The following DCPH1 variants were observed in gnomAD, a reference collection of about 807,000 sequenced individuals.
The protein encoded by DCPH1 is damage-control phosphatase 1.
At chr6:151,458,387 G>A in the DCPH1 span, 90 of 1,613,414 alleles carry the variant, frequency 5.6e-5, no homozygotes, top group Middle Eastern at 1.6e-4. Flanking sequence ...GGAATGAATT[G>A]CAAACAGATA....
chr6:151,468,961 C>T, the DCPH1 span: 3,030 of 1,614,184 alleles, frequency 1.9e-3, 6 homozygotes, highest in Non-Finnish European at 2.4e-3. Flanking sequence ...GAATGGCTTC[C>T]ATCCTGCACC....
At chr6:151,460,813 A>T in the DCPH1 span, among the ~76,000 whole-genome samples, 4 of 151,812 alleles carry the variant, frequency 2.6e-5, no homozygotes, top group Admixed American at 6.6e-5. Context: ...AACAAAAAAA[A>T]CTCCGGTGCA....
At chr6:151,464,522 C>A in the DCPH1 span, 1 of 1,610,078 alleles carries the variant, frequency 6.2e-7, no homozygotes, top group Non-Finnish European at 8.5e-7. Flanking sequence ...CACAGGAATC[C>A]ATCATTGCTT....
the DCPH1 span, chr6:151,468,247 G>A: frequency 1.3e-6 from 1 of 743,942 alleles, no homozygotes; most frequent in Non-Finnish European, 2.2e-6. Context: ...TAGATATTTA[G>A]TAGTTTTTTA....
At chr6:151,469,074 A>G in the DCPH1 span, 1 of 1,613,498 alleles carries the variant, frequency 6.2e-7, no homozygotes, top group African/African-American at 1.3e-5. Context: ...GGACCACTGG[A>G]AAATATGGAA....
the DCPH1 span, chr6:151,469,239 C>G: frequency 5.9e-6 from 4 of 680,730 alleles, no homozygotes; most frequent in East Asian, 1.1e-4. Flanking sequence ...TTCTTGGTGC[C>G]CATCTACGTG....
the DCPH1 span, among the ~76,000 whole-genome samples, chr6:151,455,493 A>G: frequency 1.3e-5 from 2 of 152,240 alleles, no homozygotes; most frequent in South Asian, 4.1e-4. Flanking sequence ...TGCATCATAG[A>G]CAATGTAAAG....
At chr6:151,469,191 T>G in the DCPH1 span, 43 of 1,231,438 alleles carry the variant, frequency 3.5e-5, no homozygotes, top group Non-Finnish European at 3.9e-5. Context: ...GTGAATTGAG[T>G]CGCCTGGCGG....
chr6:151,464,646 A>C, the DCPH1 span: 1 of 1,522,736 alleles, frequency 6.6e-7, no homozygotes, highest in Non-Finnish European at 8.9e-7. Flanking sequence ...TCTTCTGAGT[A>C]TGTTTTATTT....
the DCPH1 span, among the ~76,000 whole-genome samples, chr6:151,461,649 C>T: frequency 1.1e-4 from 16 of 151,990 alleles, no homozygotes; most frequent in Admixed American, 7.2e-4. Context: ...CCAGCCTGGG[C>T]GACAAGAGCG....
chr6:151,464,713 A>G, the DCPH1 span: 48 of 785,798 alleles, frequency 6.1e-5, no homozygotes, highest in African/African-American at 8.0e-4. Context: ...TTTCTTTGCT[A>G]TAATTGATGA....
chr6:151,463,644 AAAAAC>A, the DCPH1 span, among the ~76,000 whole-genome samples: 5 of 152,352 alleles, frequency 3.3e-5, no homozygotes, highest in Middle Eastern at 3.4e-3. Flanking sequence ...TGTTATTTAA[AAAAAC>A]AAAACAAAAC....
the DCPH1 span, among the ~76,000 whole-genome samples, chr6:151,467,165 A>G: frequency 6.6e-6 from 1 of 151,690 alleles, no homozygotes; most frequent in Non-Finnish European, 1.5e-5. Flanking sequence ...GGCAGGAGAA[A>G]AGCTTGAACC....
the DCPH1 span, chr6:151,452,682 C>G: frequency 7.7e-7 from 1 of 1,303,438 alleles, no homozygotes; most frequent in East Asian, 2.6e-5. Context: ...CCCCGGTGGG[C>G]TGCGTTCGAG....
At chr6:151,459,018 T>TCC in the DCPH1 span, among the ~76,000 whole-genome samples, 1 of 152,062 alleles carries the variant, frequency 6.6e-6, no homozygotes, top group Non-Finnish European at 1.5e-5. Context: ...GGGCCTGTAA[T>TCC]CCCAGGTACC....
chr6:151,458,512 C>T, the DCPH1 span: 1 of 1,611,418 alleles, frequency 6.2e-7, no homozygotes, highest in Non-Finnish European at 8.5e-7. Context: ...TGGTTCTACT[C>T]ACCGTGGTTG....
chr6:151,456,491 C>T, the DCPH1 span, among the ~76,000 whole-genome samples: 1 of 152,202 alleles, frequency 6.6e-6, no homozygotes, highest in Admixed American at 6.5e-5. Context: ...TTAATTTAGA[C>T]ACTGACAATT....
the DCPH1 span, among the ~76,000 whole-genome samples, chr6:151,458,956 A>G: frequency 6.6e-6 from 1 of 151,844 alleles, no homozygotes; most frequent in Non-Finnish European, 1.5e-5. Flanking sequence ...TGGCCAGCAT[A>G]ACGAAACCCG....
chr6:151,463,390 C>A, the DCPH1 span, among the ~76,000 whole-genome samples: 2 of 152,172 alleles, frequency 1.3e-5, no homozygotes, highest in African/African-American at 4.8e-5. Context: ...ACACCTCATT[C>A]TACTGAAATC....
Sources: gnomAD v4.1 joint callset for allele counts (sites outside exome capture counted in the v4.1 genomes callset) on GRCh38, gnomAD v4.1.1 for gene constraint, MANE v1.5 for transcripts, NCBI Gene and HGNC (gene_info 2026-07-23, HGNC 2026-07-21) for gene names.